The following TMEM132D variants were observed in gnomAD, a reference collection of about 807,000 sequenced individuals.
TMEM132D encodes mature OL transmembrane protein.
Under a neutral mutation model 62.3 loss-of-function variants are expected in TMEM132D, and 21 were observed. The observed-to-expected ratio is 0.34, with a 90% CI of 0.24 to 0.49. The LOEUF (loss-of-function observed/expected upper bound fraction) is 0.49, where lower values mean the gene tolerates loss of function less well. Ranked by LOEUF, TMEM132D falls within the 20% of genes least tolerant of loss-of-function variation. TMEM132D has a pLI of 0.99. For synonymous variants in TMEM132D, 621 were observed against 575.6 expected (o/e 1.08, Z -1.13); for missense variants, 1,346 against 1,402.8 (o/e 0.96, Z 0.65).
chr12:129,379,526 T>G (rs1870879851), intron 3 of TMEM132D, among the ~76,000 whole-genome samples: 1 of 152,248 alleles, frequency 6.6e-6, no homozygotes. Flanking sequence ...CAGTATATCC[T>G]GGCCTGTCCT....
At chr12:129,738,551 T>C (rs888305201) in intron 1 of TMEM132D, among the ~76,000 whole-genome samples, 5 of 152,170 alleles carry the variant, frequency 3.3e-5, no homozygotes, top group African/African-American at 1.2e-4. Context: ...TAGCAAGACA[T>C]GAAAACATTC....
chr12:129,214,671 AG>A (rs1420103026), intron 4 of TMEM132D, among the ~76,000 whole-genome samples: 1 of 152,262 alleles, frequency 6.6e-6, no homozygotes, highest in African/African-American at 2.4e-5. Flanking sequence ...AAAACTCAAA[AG>A]AAGACAGACA....
At chr12:129,805,333 C>T (rs1871945104) in intron 1 of TMEM132D, among the ~76,000 whole-genome samples, 1 of 151,964 alleles carries the variant, frequency 6.6e-6, no homozygotes, top group Non-Finnish European at 1.5e-5. Context: ...GGTACTGGTA[C>T]CAAAACAGAG....
chr12:129,329,033 AAT>A (rs201004813), intron 4 of TMEM132D, among the ~76,000 whole-genome samples: 13 of 147,526 alleles, frequency 8.8e-5, no homozygotes, highest in Non-Finnish European at 1.2e-4. Flanking sequence ...ATATGTAAAG[AAT>A]ATATATATAT....
At chr12:129,588,536 G>C (rs1049541952) in intron 2 of TMEM132D, among the ~76,000 whole-genome samples, 4 of 152,028 alleles carry the variant, frequency 2.6e-5, no homozygotes, top group African/African-American at 7.2e-5. Context: ...GTGGATGAAA[G>C]GTGAATTGTG....
At chr12:129,761,721 T>A (rs887533658) in intron 1 of TMEM132D, among the ~76,000 whole-genome samples, 3 of 152,050 alleles carry the variant, frequency 2.0e-5, no homozygotes, top group African/African-American at 7.2e-5. Context: ...CTACGATAAC[T>A]CCCAACAAGC....
chr12:129,372,591 AT>A (rs34791520), intron 3 of TMEM132D, among the ~76,000 whole-genome samples: 99,483 of 151,764 alleles, frequency 0.66, 33,076 homozygotes, highest in Middle Eastern at 0.71. Context: ...CAGCAGTGGC[AT>A]TAGATTTTCA....
At chr12:129,668,740 G>A (rs1158902145) in intron 2 of TMEM132D, among the ~76,000 whole-genome samples, 3 of 152,194 alleles carry the variant, frequency 2.0e-5, no homozygotes, top group African/African-American at 4.8e-5. Context: ...TGGCAGTATA[G>A]TTAATTGCAT....
intron 2 of TMEM132D, among the ~76,000 whole-genome samples, chr12:129,631,542 C>T (rs1879343862): frequency 6.6e-6 from 1 of 152,168 alleles, no homozygotes; most frequent in South Asian, 2.1e-4. Context: ...AGCATCCAAA[C>T]TGAGTGATTA....
At chr12:129,275,984 G>A (rs1880994970) in intron 4 of TMEM132D, among the ~76,000 whole-genome samples, 1 of 152,194 alleles carries the variant, frequency 6.6e-6, no homozygotes, top group Non-Finnish European at 1.5e-5. Context: ...TTTAGCAGGA[G>A]TTCAATCTCT....
chr12:129,476,179 C>T (rs1049738255), intron 3 of TMEM132D, among the ~76,000 whole-genome samples: 5 of 152,150 alleles, frequency 3.3e-5, no homozygotes, highest in African/African-American at 4.8e-5. Context: ...ATAATGCCTC[C>T]GCCATGTTAA....
chr12:129,521,397 G>A (rs1875843414), intron 3 of TMEM132D: 1 of 152,174 alleles, frequency 6.6e-6, no homozygotes, highest in Non-Finnish European at 1.5e-5. Flanking sequence ...AGAATGGCTG[G>A]TGAACGGATC....
chr12:129,123,793 C>A (rs1038903114), intron 5 of TMEM132D, among the ~76,000 whole-genome samples: 11 of 151,124 alleles, frequency 7.3e-5, no homozygotes, highest in African/African-American at 1.7e-4. Context: ...GGAAAAGCTT[C>A]TCTCTCTCTC....
rs780884539 is a variant in TMEM132D at position 129,779,578 on chromosome 12, C to T, written c.80-78880G>A. ...GATTACAGGTGTGAGCCACCACACCCGGCCCAGGTTTTTGTTATTGTTTTG... is the reference window on the plus strand; with the variant it reads ...GATTACAGGTGTGAGCCACCACACCTGGCCCAGGTTTTTGTTATTGTTTTG... On this transcript the variant is annotated intron_variant, in intron 1 of 8. Coordinates refer to ENST00000422113, the MANE Select transcript of TMEM132D (RefSeq NM_133448.3). This position sits in a 1 kb window ranked among gnomAD's most constrained non-coding sequence, Gnocchi z 4.1. Among the ~76,000 whole-genome samples, 9 of 152,278 alleles carry T rather than the reference C, an allele frequency of 5.9e-5. No individual in the cohort carries two copies. The highest frequency in any genetic ancestry group is 1.3e-4 in the Admixed American group (2 of 15,298).
intron 3 of TMEM132D, among the ~76,000 whole-genome samples, chr12:129,492,859 G>A (rs1309354582): frequency 6.6e-6 from 1 of 152,122 alleles, no homozygotes; most frequent in Non-Finnish European, 1.5e-5. Flanking sequence ...TTGGGGAGAG[G>A]CATGTGATCC....
chr12:129,225,188 G>A (rs375479708), intron 4 of TMEM132D, among the ~76,000 whole-genome samples: 34 of 152,270 alleles, frequency 2.2e-4, no homozygotes, highest in Middle Eastern at 3.4e-3. Context: ...TGAAGGGAAG[G>A]ATTTCATACA....
intron 1 of TMEM132D, among the ~76,000 whole-genome samples, chr12:129,875,478 C>T (rs1874389161): frequency 6.6e-6 from 1 of 152,204 alleles, no homozygotes; most frequent in Non-Finnish European, 1.5e-5. Flanking sequence ...CGACGTCCGA[C>T]TGCTTGTGGT....
At chr12:129,713,559 C>T (rs980012752) in intron 1 of TMEM132D, among the ~76,000 whole-genome samples, 1 of 152,154 alleles carries the variant, frequency 6.6e-6, no homozygotes, top group Non-Finnish European at 1.5e-5. Context: ...TGATGAGCAG[C>T]TTTGGTCTCA....
intron 1 of TMEM132D, among the ~76,000 whole-genome samples, chr12:129,896,369 A>AG (rs1434498299): frequency 6.6e-6 from 1 of 152,186 alleles, no homozygotes; most frequent in Admixed American, 6.5e-5. Flanking sequence ...AGGAGAGGCC[A>AG]GGGCAGCAGG....
Sources: gnomAD v4.1 joint callset for allele counts (sites outside exome capture counted in the v4.1 genomes callset) on GRCh38, gnomAD v4.1.1 for gene constraint, Gnocchi (gnomAD v3.1) non-coding constraint, MANE v1.5 for transcripts, NCBI Gene and HGNC (gene_info 2026-07-23, HGNC 2026-07-21) for gene names.